The following KIF13A variants were observed in gnomAD, a reference collection of about 807,000 sequenced individuals.
KIF13A encodes kinesin family member 13A.
KIF13A carries 79 observed loss-of-function variants against 212.2 expected under a neutral mutation model. The observed-to-expected ratio is 0.37, with a 90% CI of 0.31 to 0.45. The LOEUF (loss-of-function observed/expected upper bound fraction) is 0.45. Ranked by LOEUF, KIF13A falls within the 20% of genes least tolerant of loss-of-function variation. The pLI is 1.00. For synonymous variants in KIF13A, 789 were observed against 808.6 expected (o/e 0.98, Z 0.41); for missense variants, 1,901 against 2,209.0 (o/e 0.86, Z 2.79).
intron 2 of KIF13A, among the ~76,000 whole-genome samples, chr6:17,937,372 T>C (rs1429469685): frequency 1.2e-4 from 19 of 152,190 alleles, no homozygotes; most frequent in Admixed American, 6.5e-5. Context: ...TGAGGTTGCA[T>C]TGATCTCGGC....
chr6:17,862,774 C>T (rs1336850187), intron 4 of KIF13A, among the ~76,000 whole-genome samples: 1 of 152,044 alleles, frequency 6.6e-6, no homozygotes, highest in Non-Finnish European at 1.5e-5. Flanking sequence ...TGGTGAAATC[C>T]CATCTCTACT....
At chr6:17,852,831 T>A (rs1215316230) in intron 6 of KIF13A, among the ~76,000 whole-genome samples, 1 of 152,262 alleles carries the variant, frequency 6.6e-6, no homozygotes, top group East Asian at 1.9e-4. Context: ...AGTGAGATTA[T>A]AGTACAGAGT....
At chr6:17,936,579 GGTATTATGTGC>G (rs540348121) in intron 2 of KIF13A, among the ~76,000 whole-genome samples, 1 of 152,284 alleles carries the variant, frequency 6.6e-6, no homozygotes, top group Non-Finnish European at 1.5e-5. Context: ...AGAGTTTGCA[GGTATTATGTGC>G]CAGGCTGGTG....
chr6:17,791,568 A>C (rs953071873), intron 25 of KIF13A, among the ~76,000 whole-genome samples: 1 of 152,124 alleles, frequency 6.6e-6, no homozygotes, highest in African/African-American at 2.4e-5. Flanking sequence ...AATTTGACAA[A>C]AATCAGTTTT....
intron 2 of KIF13A, among the ~76,000 whole-genome samples, chr6:17,960,635 G>A: frequency 6.6e-6 from 1 of 152,152 alleles, no homozygotes; most frequent in East Asian, 1.9e-4. Flanking sequence ...TATATCGAGA[G>A]CATCATCTCT....
intron 9 of KIF13A, among the ~76,000 whole-genome samples, chr6:17,840,270 A>C (rs1311654633): frequency 6.6e-6 from 1 of 152,178 alleles, no homozygotes; most frequent in African/African-American, 2.4e-5. Context: ...AAATATGTCC[A>C]ATCACTCCTC....
chr6:17,804,633 A>G, intron 19 of KIF13A, 123 bp from the exon 20 acceptor site: 2 of 990,660 alleles, frequency 2.0e-6, no homozygotes, highest in South Asian at 2.0e-5. Context: ...ACAGCAAGTA[A>G]AATTATAATG....
At chr6:17,980,250 A>G (rs1194152155) in intron 2 of KIF13A, among the ~76,000 whole-genome samples, 3 of 152,240 alleles carry the variant, frequency 2.0e-5, no homozygotes, top group African/African-American at 7.2e-5. Flanking sequence ...AATATGATAC[A>G]CAGCCACACT....
At chr6:17,869,753 C>G (rs1036417253) in intron 4 of KIF13A, among the ~76,000 whole-genome samples, 1 of 152,230 alleles carries the variant, frequency 6.6e-6, no homozygotes, top group Non-Finnish European at 1.5e-5. Context: ...TGACACACCA[C>G]ACAAAACTTA....
rs5874617 is a variant in KIF13A, at chr6:17,938,819, ATT to A, written c.147-40641_147-40640del. ...TTAAAATTTCACTGCCTTAGAGTGA[ATT>A]TTTTTTTTTTTTTTTTTACCCAGCA... On this transcript the variant is annotated intron_variant, in intron 2 of 38. Coordinates refer to ENST00000259711, the MANE Select transcript of KIF13A (RefSeq NM_022113.6). Among the ~76,000 whole-genome samples the A allele has an allele frequency of 4.9e-3, 688 of 139,780 alleles. 1 individual carries two copies. The highest frequency in any genetic ancestry group is 7.1e-3 in the African/African-American group (267 of 37,864). 91.7% of individuals were successfully genotyped at this position (139,780 alleles called of 152,430 possible). A position where few individuals can be genotyped will look rare whatever the true frequency, so the allele number is the denominator to read the frequency against.
chr6:17,911,229 C>G (rs1023786178), intron 2 of KIF13A, among the ~76,000 whole-genome samples: 9 of 152,220 alleles, frequency 5.9e-5, no homozygotes, highest in Non-Finnish European at 1.3e-4. Flanking sequence ...CAGCAAGACT[C>G]AAGTTTTGAC....
chr6:17,878,464 T>C (rs1431445668), intron 3 of KIF13A, among the ~76,000 whole-genome samples: 1 of 152,016 alleles, frequency 6.6e-6, no homozygotes, highest in East Asian at 1.9e-4. Flanking sequence ...GTTTTCTTTA[T>C]AGAGACAGGG....
chr6:17,827,915 G>A (rs1307651093), intron 14 of KIF13A, among the ~76,000 whole-genome samples: 3 of 152,180 alleles, frequency 2.0e-5, no homozygotes, highest in Non-Finnish European at 4.4e-5. Context: ...GGACTGTCAG[G>A]TAAAGTTTGA....
At chr6:17,881,359 T>C (rs1253714086) in intron 3 of KIF13A, 1 of 353,066 alleles carries the variant, frequency 2.8e-6, no homozygotes, top group Non-Finnish European at 5.4e-6. Flanking sequence ...TTCCATGACT[T>C]ACGAATAGGA....
In KIF13A at chr6:17,987,076, AAGG is replaced by A. The variant is rs542103038; in HGVS notation, c.121_123del (p.Pro41del). ...TACCTTTCTCCCTGTTTGGTGTTAG[AAGG>A]AGGAGGGTGCAGGACCGTTTGATTC... On this transcript the variant is annotated inframe_deletion, in exon 2 of 39. Transcript: ENST00000259711. The surrounding 1 kb of genome is among the most constrained non-coding windows in gnomAD (Gnocchi z 7.7). 414 of 1,613,438 alleles carry A rather than the reference AAGG, an allele frequency of 2.6e-4. 1 individual carries two copies. In the African/African-American group the frequency reaches 4.8e-3, roughly 19 times the overall value.
At chr6:17,945,675 C>A (rs1777325948) in intron 2 of KIF13A, among the ~76,000 whole-genome samples, 1 of 152,080 alleles carries the variant, frequency 6.6e-6, no homozygotes, top group Non-Finnish European at 1.5e-5. Flanking sequence ...TGTAAAGATG[C>A]CAATTCTTTT....
intron 2 of KIF13A, among the ~76,000 whole-genome samples, chr6:17,980,446 C>CCCTG (rs1042769552): frequency 4.6e-5 from 7 of 151,864 alleles, no homozygotes; most frequent in Admixed American, 4.6e-4. Context: ...CAAGGGAATC[C>CCCTG]CCTGAATGAT....
intron 2 of KIF13A, among the ~76,000 whole-genome samples, chr6:17,962,155 A>G (rs560879099): frequency 7.8e-4 from 118 of 152,182 alleles, no homozygotes; most frequent in African/African-American, 2.7e-3. Flanking sequence ...TACTAAAAAT[A>G]CAAAAATTAG....
At chr6:17,882,111 A>G in intron 3 of KIF13A, 1 of 456,574 alleles carries the variant, frequency 2.2e-6, no homozygotes, top group Non-Finnish European at 4.4e-6. Flanking sequence ...CGAGATGTGA[A>G]GGTGCTTTCA....
Sources: allele counts gnomAD v4.1 joint callset (sites outside exome capture counted in the v4.1 genomes callset), GRCh38; gene constraint gnomAD v4.1.1; non-coding constraint Gnocchi (gnomAD v3.1); transcripts MANE v1.5; gene names NCBI Gene and HGNC (gene_info 2026-07-23, HGNC 2026-07-21).